PALM2AKAP2: variants seen among roughly 807,000 people sequenced by gnomAD.
PALM2AKAP2 encodes PALM2-AKAP2 fusion protein.
Under a neutral mutation model 71.5 loss-of-function variants are expected in PALM2AKAP2, and 37 were observed. That is an observed-to-expected ratio of 0.52 (90% CI 0.40 to 0.68). PALM2AKAP2 has a LOEUF of 0.68. Among genes scored for constraint, PALM2AKAP2 ranks in the 30% least tolerant of loss-of-function variants. The pLI, the probability that PALM2AKAP2 is intolerant of heterozygous loss-of-function variation, is 0.00. For missense variants in PALM2AKAP2, 1,224 were observed against 1,191.8 expected, an observed-to-expected ratio of 1.03 and a Z score of -0.40; for synonymous variants, 468 against 478.8, an observed-to-expected ratio of 0.98 and a Z score of 0.29.
chr9:109,656,789 G>C (rs191592916), intron 1 of PALM2AKAP2, among the ~76,000 whole-genome samples: 68 of 152,310 alleles, frequency 4.5e-4, no homozygotes, highest in African/African-American at 1.5e-3. Flanking sequence ...TTTCACAACA[G>C]TCTCTGAGGA....
At chr9:109,827,341 C>T (rs529742404) in intron 1 of PALM2AKAP2, among the ~76,000 whole-genome samples, 4 of 152,254 alleles carry the variant, frequency 2.6e-5, no homozygotes, top group Admixed American at 1.3e-4. Context: ...TATGGCCAGA[C>T]GCGGTGGCTC....
chr9:109,961,206 A>G lies in PALM2AKAP2; in HGVS notation c.496+29178A>G, dbSNP rs373717306. 1.7e-4 allele frequency among the ~76,000 whole-genome samples: 26 copies of G among 152,376 alleles called. No individual in the cohort carries two copies. The East Asian group carries it at 3.3e-3, about 19-fold the overall frequency. ...TAAAATTCAACCAGAAACTTACTTT[A>G]TAATCATAGCATTGCACATATATTA... On this transcript the variant is annotated intron_variant, in intron 6 of 9. Coordinates refer to the PALM2AKAP2 transcript ENST00000302798.
chr9:110,136,697 A>G, exon 2 of PALM2AKAP2: 1 of 1,614,176 alleles, frequency 6.2e-7, no homozygotes, highest in Non-Finnish European at 8.5e-7. Context: ...TGTCAGCCCC[A>G]GCTCCACAAC....
At chr9:110,094,174 C>T (rs1359128524) in intron 1 of PALM2AKAP2, among the ~76,000 whole-genome samples, 1 of 152,218 alleles carries the variant, frequency 6.6e-6, no homozygotes, top group Non-Finnish European at 1.5e-5. Flanking sequence ...TGTTTTTAGT[C>T]TTATCTTCAC....
At chr9:109,837,075 T>C (rs1414640173) in intron 1 of PALM2AKAP2, among the ~76,000 whole-genome samples, 1 of 152,016 alleles carries the variant, frequency 6.6e-6, no homozygotes, top group African/African-American at 2.4e-5. Context: ...GACACATAAT[T>C]GTCAGATTCA....
At chr9:109,927,083 A>C (rs965493061) in intron 5 of PALM2AKAP2, among the ~76,000 whole-genome samples, 7 of 152,176 alleles carry the variant, frequency 4.6e-5, no homozygotes, top group Non-Finnish European at 1.0e-4. Flanking sequence ...TTTCTTGGGA[A>C]GTGGCCCAGG....
At chr9:110,098,224 C>A (rs577244389) in intron 1 of PALM2AKAP2, among the ~76,000 whole-genome samples, 1 of 150,962 alleles carries the variant, frequency 6.6e-6, no homozygotes, top group African/African-American at 2.5e-5. Flanking sequence ...GGCTCTGCAG[C>A]CAGACTGCCT....
rs1014474585 is a variant in PALM2AKAP2 at position 109,670,772 on chromosome 9, C to G, written c.5+29906C>G. Among the ~76,000 whole-genome samples the G allele has an allele frequency of 2.6e-5, 4 of 152,262 alleles. No individual in the cohort carries two copies. In the South Asian group the frequency reaches 8.3e-4, roughly 32 times the overall value. The stretch of plus-strand genomic sequence containing the variant: ...GGATTCCTTTTTCTCCACAACCTCA[C>G]CAGCATCTTTTATTTTTTGACTATT... On this transcript the variant is annotated intron_variant, in intron 1 of 6. Transcript: ENST00000374531.
At position 110,111,086 on chromosome 9, in the gene PALM2AKAP2, C is replaced by CTTTTTTTTTTTTTTTTTTTT. The variant is rs34958946; in HGVS notation, c.157-25037_157-25018dup. On this transcript the variant is annotated intron_variant, in intron 1 of 3. Coordinates refer to ENST00000374525, the Ensembl canonical transcript of PALM2AKAP2. ...TCCTTTTTTCTTTTCTTTCTTTCTTCTTTTTTTTTTTTTTTTTTTTTTTGA... is the reference window on the plus strand; with the variant it reads ...TCCTTTTTTCTTTTCTTTCTTTCTTCTTTTTTTTTTTTTTTTTTTTTTTTTTTTTTTTTTTTTTTTTTTGA... 6.7e-4 allele frequency among the ~76,000 whole-genome samples: 56 copies of CTTTTTTTTTTTTTTTTTTTT among 84,186 alleles called. 3 individuals are homozygous for CTTTTTTTTTTTTTTTTTTTT. Among genetic ancestry groups the CTTTTTTTTTTTTTTTTTTTT allele is most frequent in the East Asian group, 1.2e-3 (3 of 2,452 alleles). 55.2% of individuals were successfully genotyped at this position (84,186 alleles called of 152,430 possible).
At chr9:109,930,785 G>A (rs1831082567) in intron 5 of PALM2AKAP2, among the ~76,000 whole-genome samples, 1 of 152,194 alleles carries the variant, frequency 6.6e-6, no homozygotes, top group Non-Finnish European at 1.5e-5. Context: ...TTTGAACAGA[G>A]GCAGAGGCTA....
At chr9:109,999,642 A>G (rs1832643215) in intron 6 of PALM2AKAP2, among the ~76,000 whole-genome samples, 1 of 152,262 alleles carries the variant, frequency 6.6e-6, no homozygotes, top group Non-Finnish European at 1.5e-5. Context: ...CTAACTGTGT[A>G]TAAGCCCAGT....
intron 1 of PALM2AKAP2, among the ~76,000 whole-genome samples, chr9:110,118,103 G>A (rs1281943528): frequency 6.7e-6 from 1 of 149,736 alleles, no homozygotes; most frequent in Non-Finnish European, 1.5e-5. Context: ...CACAATGTTT[G>A]CAACAATAAA....
At chr9:109,847,313 T>A (rs2131609910) in intron 1 of PALM2AKAP2, among the ~76,000 whole-genome samples, 1 of 152,246 alleles carries the variant, frequency 6.6e-6, no homozygotes, top group African/African-American at 2.4e-5. Flanking sequence ...CACCCCTAAG[T>A]CAGGGAATGC....
At chr9:110,097,605 C>T (rs1375778132) in intron 1 of PALM2AKAP2, among the ~76,000 whole-genome samples, 6 of 149,180 alleles carry the variant, frequency 4.0e-5, no homozygotes, top group Admixed American at 3.3e-4. Flanking sequence ...GATGGGATGG[C>T]GGCCGGGAAG....
At chr9:109,935,504 C>T (rs1048437053) in intron 6 of PALM2AKAP2, among the ~76,000 whole-genome samples, 2 of 152,212 alleles carry the variant, frequency 1.3e-5, no homozygotes, top group African/African-American at 4.8e-5. Context: ...TCCAAATACT[C>T]TGGATCTTTT....
intron 1 of PALM2AKAP2, among the ~76,000 whole-genome samples, chr9:109,864,377 A>C (rs1027798372): frequency 6.6e-6 from 1 of 152,170 alleles, no homozygotes. Flanking sequence ...CCAAAACACC[A>C]CTTTGCCTAA....
chr9:109,898,566 A>G (rs1830258034), intron 3 of PALM2AKAP2, among the ~76,000 whole-genome samples: 1 of 152,234 alleles, frequency 6.6e-6, no homozygotes, highest in South Asian at 2.1e-4. Flanking sequence ...TGTTTGTTGA[A>G]TTATTGCACT....
intron 6 of PALM2AKAP2, among the ~76,000 whole-genome samples, chr9:109,996,871 C>T (rs1472755664): frequency 6.6e-6 from 1 of 152,304 alleles, no homozygotes; most frequent in Non-Finnish European, 1.5e-5. Flanking sequence ...TCTAAGAGTG[C>T]ATGTGTGTGT....
chr9:109,720,289 T>C (rs917932478), intron 1 of PALM2AKAP2, among the ~76,000 whole-genome samples: 1 of 152,134 alleles, frequency 6.6e-6, no homozygotes, highest in African/African-American at 2.4e-5. Context: ...GTGCCTGGCC[T>C]ATATTTTCAT....
Sources: allele counts gnomAD v4.1 joint callset (sites outside exome capture counted in the v4.1 genomes callset), GRCh38; gene constraint gnomAD v4.1.1; transcripts MANE v1.5; gene names NCBI Gene and HGNC (gene_info 2026-07-23, HGNC 2026-07-21).